Variants in PIKFYVE observed in about 807,000 individuals in gnomAD.
PIKFYVE encodes 1-phosphatidylinositol 3-phosphate 5-kinase.
Under a neutral mutation model 257.9 loss-of-function variants are expected in PIKFYVE, and 122 were observed. The observed-to-expected ratio is 0.47, with a 90% CI of 0.41 to 0.55. The LOEUF (loss-of-function observed/expected upper bound fraction) is 0.55. PIKFYVE is among the 20% of genes least tolerant of loss of function. The pLI, the probability that PIKFYVE is intolerant of heterozygous loss-of-function variation, is 0.00. For missense variants in PIKFYVE, 2,160 were observed against 2,536.6 expected, an observed-to-expected ratio of 0.85 and a Z score of 3.19; for synonymous variants, 892 against 868.9, an observed-to-expected ratio of 1.03 and a Z score of -0.47.
intron 13 of PIKFYVE, among the ~76,000 whole-genome samples, chr2:208,313,280 T>C (rs897529359): frequency 2.6e-5 from 4 of 152,350 alleles, no homozygotes; most frequent in East Asian, 1.9e-4. Context: ...TTTTGTCTTA[T>C]CTATTTTCAT....
intron 22 of PIKFYVE, among the ~76,000 whole-genome samples, chr2:208,330,240 G>C (rs149959720): frequency 6.6e-6 from 1 of 152,054 alleles, no homozygotes; most frequent in Non-Finnish European, 1.5e-5. Flanking sequence ...ATCATCACTC[G>C]CCACTTATAT....
chr2:208,355,122 C>A, intron 41 of PIKFYVE, 68 bp from the exon 42 acceptor site: 5 of 1,166,404 alleles, frequency 4.3e-6, no homozygotes, highest in South Asian at 2.5e-5. Context: ...AGAACATGGT[C>A]AGTTGACTTC....
At chr2:208,303,058 G>A (rs902802452) in intron 10 of PIKFYVE, among the ~76,000 whole-genome samples, 1 of 152,024 alleles carries the variant, frequency 6.6e-6, no homozygotes, top group East Asian at 1.9e-4. Flanking sequence ...CTCCAGCCTG[G>A]GCGACAAAGC....
intron 7 of PIKFYVE, among the ~76,000 whole-genome samples, chr2:208,289,758 G>A (rs1412508239): frequency 6.6e-6 from 1 of 151,980 alleles, no homozygotes; most frequent in African/African-American, 2.4e-5. Context: ...TACAGAGATG[G>A]GGTTTCACTT....
intron 28 of PIKFYVE, among the ~76,000 whole-genome samples, chr2:208,337,862 C>T (rs1574700799): frequency 1.3e-5 from 2 of 152,214 alleles, no homozygotes; most frequent in South Asian, 2.1e-4. Flanking sequence ...GCTGGGATTA[C>T]AGGCGTGTGC....
chr2:208,273,987 T>C, intron 3 of PIKFYVE: 1 of 1,604,726 alleles, frequency 6.2e-7, no homozygotes, highest in African/African-American at 1.3e-5. Context: ...TTCTTGACTA[T>C]TTTTTGATTA....
rs1699109282 is a variant in PIKFYVE, at chr2:208,345,097, A to G, written c.5028-14A>G. 1 of 1,567,538 alleles carries G rather than the reference A, an allele frequency of 6.4e-7. No individual in the cohort carries two copies. Among genetic ancestry groups the G allele is most frequent in the Non-Finnish European group, 8.8e-7 (1 of 1,137,762 alleles). Reference sequence around the variant, plus strand: ...GTTAATGTTTAACGTTTTTCAACCTATTTCTGCCCTAAGTTGTAAAGAATA... The same window carrying G: ...GTTAATGTTTAACGTTTTTCAACCTGTTTCTGCCCTAAGTTGTAAAGAATA... On this transcript the variant is annotated splice_polypyrimidine_tract_variant and intron_variant, in intron 32 of 41. Transcript: ENST00000264380.
At position 208,269,680 on chromosome 2, in the gene PIKFYVE, A is replaced by G. The variant is rs138159712; in HGVS notation, c.-9-1831A>G. 9.7e-3 allele frequency: 2,407 copies of G among 248,460 alleles called. 19 individuals carry two copies. Among genetic ancestry groups the G allele is most frequent in the Non-Finnish European group, 0.013 (1,558 of 118,464 alleles). The allele number at this position is 248,460 out of a possible 1,614,324, so 15.4% of individuals were successfully genotyped here. On this transcript the variant is annotated intron_variant, in intron 1 of 41. Coordinates refer to ENST00000264380, the MANE Select transcript of PIKFYVE (RefSeq NM_015040.4). ...GGTGAGGTTCTGGTCCAGGGCCCCCATCATGTCCCCAAACTGGCTGTATGG... is the reference window on the plus strand; with the variant it reads ...GGTGAGGTTCTGGTCCAGGGCCCCCGTCATGTCCCCAAACTGGCTGTATGG...
intron 5 of PIKFYVE, among the ~76,000 whole-genome samples, chr2:208,283,289 A>G (rs76192869): frequency 0.029 from 4,401 of 152,260 alleles, 200 homozygotes; most frequent in African/African-American, 0.099. Flanking sequence ...TTTTGGTTAT[A>G]TGTGTGTTGC....
At chr2:208,338,591 C>G (rs1698398313) in intron 29 of PIKFYVE, 23 bp downstream of exon 29, 3 of 1,601,788 alleles carry the variant, frequency 1.9e-6, no homozygotes, top group East Asian at 2.2e-5. Context: ...GTCTGGTGAT[C>G]ACTTGCCGTA....
intron 32 of PIKFYVE, among the ~76,000 whole-genome samples, chr2:208,344,322 A>T (rs1346815484): frequency 6.6e-6 from 1 of 152,200 alleles, no homozygotes; most frequent in Non-Finnish European, 1.5e-5. Flanking sequence ...GGAGTAAATA[A>T]GATAGATTTA....
At chr2:208,335,204 C>T in intron 24 of PIKFYVE, 102 bp from the exon 25 acceptor site, 2 of 784,360 alleles carry the variant, frequency 2.5e-6, no homozygotes, top group Non-Finnish European at 4.3e-6. Context: ...AGAAACTTTT[C>T]CTCTTATGCC....
intron 36 of PIKFYVE, among the ~76,000 whole-genome samples, chr2:208,350,474 T>A (rs1009073348): frequency 8.5e-5 from 13 of 152,324 alleles, no homozygotes; most frequent in African/African-American, 3.1e-4. Context: ...AGTACAATGA[T>A]GTTAATATGG....
At chr2:208,303,978 A>G (rs996487404) in intron 10 of PIKFYVE, among the ~76,000 whole-genome samples, 193 bp from the exon 11 acceptor site, 7 of 152,248 alleles carry the variant, frequency 4.6e-5, no homozygotes, top group African/African-American at 1.7e-4. Context: ...GTTAACGAAA[A>G]TCACAATTTT....
chr2:208,281,643 C>G (rs1247803111), intron 5 of PIKFYVE, among the ~76,000 whole-genome samples: 3 of 152,130 alleles, frequency 2.0e-5, no homozygotes, highest in Non-Finnish European at 4.4e-5. Flanking sequence ...AGGCAGCTAA[C>G]TCAGGGGAGG....
At chr2:208,313,135 G>A (rs1476035070) in intron 13 of PIKFYVE, among the ~76,000 whole-genome samples, 1 of 152,044 alleles carries the variant, frequency 6.6e-6, no homozygotes, top group Non-Finnish European at 1.5e-5. Context: ...TTGTTTGTTT[G>A]TTTTGCTTTT....
chr2:208,343,610 G>A (rs73983756), intron 32 of PIKFYVE, among the ~76,000 whole-genome samples: 1 of 152,144 alleles, frequency 6.6e-6, no homozygotes, highest in South Asian at 2.1e-4. Flanking sequence ...TGAATGTGCT[G>A]TCTCTCTTTC....
At chr2:208,300,265 G>A (rs540188895) in intron 8 of PIKFYVE, among the ~76,000 whole-genome samples, 3 of 152,310 alleles carry the variant, frequency 2.0e-5, no homozygotes, top group Admixed American at 1.3e-4. Flanking sequence ...TGGATAGGCA[G>A]TGAGGAAGGT....
chr2:208,325,745 A>C lies in PIKFYVE; in HGVS notation c.2934A>C (p.Ser978=). Residue 978 remains serine, a synonymous_variant, in exon 20 of 42, where the codon TCA becomes TCC. Coordinates refer to ENST00000264380, the MANE Select transcript of PIKFYVE (RefSeq NM_015040.4). ...CTTTCTTTGCACCTGTACCGGAATC[A>C]TTGTTGCCACTCCCTGTGGATGACC... is the stretch of plus-strand genomic sequence containing the variant. ...PCAFFAPVPE[S]LLPLPVDDQQ... 1.2e-6 allele frequency: 2 copies of C among 1,613,444 alleles called. No homozygotes were observed. Among genetic ancestry groups the C allele is most frequent in the Non-Finnish European group, 1.7e-6 (2 of 1,179,500 alleles).
Sources: allele counts gnomAD v4.1 joint callset (sites outside exome capture counted in the v4.1 genomes callset), GRCh38; gene constraint gnomAD v4.1.1; transcripts MANE v1.5; gene names NCBI Gene and HGNC (gene_info 2026-07-23, HGNC 2026-07-21).